NRXN3: variants seen among roughly 807,000 people sequenced by gnomAD.
NRXN3 encodes the protein neurexin III.
In NRXN3, 32 loss-of-function variants were observed where a neutral mutation model predicts 137.6. The ratio of observed to expected loss-of-function variants is 0.23; its 90% CI spans 0.18 to 0.31. The LOEUF is 0.31. Ranked by LOEUF, NRXN3 falls within the 10% of genes least tolerant of loss-of-function variation. The pLI, the probability that NRXN3 is intolerant of heterozygous loss-of-function variation, is 1.00. For synonymous variants in NRXN3, 798 were observed against 784.5 expected (o/e 1.02, Z -0.29); for missense variants, 1,574 against 2,062.5 (o/e 0.76, Z 4.59).
At chr14:79,312,459 T>C (rs1206378573) in intron 15 of NRXN3, among the ~76,000 whole-genome samples, 1 of 19,314 alleles carries the variant, frequency 5.2e-5, no homozygotes, top group African/African-American at 2.9e-4. Context: ...GTCTGCTTGG[T>C]GCAGAGCTGA....
At chr14:79,706,992 C>T (rs2098782971) in intron 19 of NRXN3, among the ~76,000 whole-genome samples, 1 of 152,100 alleles carries the variant, frequency 6.6e-6, no homozygotes, top group Non-Finnish European at 1.5e-5. Flanking sequence ...ACTTCGGGTA[C>T]CCTACGGGTG....
chr14:78,319,784 A>G (rs1170394330), intron 4 of NRXN3, among the ~76,000 whole-genome samples: 1 of 152,216 alleles, frequency 6.6e-6, no homozygotes, highest in African/African-American at 2.4e-5. Flanking sequence ...TGTTGTGTTC[A>G]GTCTTGTTTG....
At chr14:78,417,939 T>G (rs1013432999) in intron 4 of NRXN3, among the ~76,000 whole-genome samples, 5 of 152,156 alleles carry the variant, frequency 3.3e-5, no homozygotes, top group African/African-American at 9.7e-5. Flanking sequence ...GTATTTTTAG[T>G]AGAGACAGTG....
intron 16 of NRXN3, 87 bp from the exon 17 acceptor site, chr14:79,663,691 G>C: frequency 8.6e-7 from 1 of 1,161,806 alleles, no homozygotes; most frequent in Non-Finnish European, 1.2e-6. Context: ...GGCACCTACA[G>C]GTTTATTGCT....
intron 15 of NRXN3, among the ~76,000 whole-genome samples, chr14:79,214,290 G>A (rs977112848): frequency 3.9e-5 from 6 of 152,180 alleles, no homozygotes; most frequent in African/African-American, 1.4e-4. Context: ...ATTTCTAGTT[G>A]ATAAAGTGCC....
chr14:78,773,850 G>A (rs1314526314), intron 8 of NRXN3, among the ~76,000 whole-genome samples: 2 of 152,114 alleles, frequency 1.3e-5, no homozygotes, highest in African/African-American at 4.8e-5. Flanking sequence ...TCACCAGGTT[G>A]GAGTGCAGTG....
chr14:78,441,266 A>T (rs936243614), intron 4 of NRXN3, among the ~76,000 whole-genome samples: 1 of 151,416 alleles, frequency 6.6e-6, no homozygotes, highest in Non-Finnish European at 1.5e-5. Flanking sequence ...TATATTCTTG[A>T]TCTCATCCTT....
At chr14:79,509,146 A>G (rs1054391413) in intron 16 of NRXN3, among the ~76,000 whole-genome samples, 2 of 152,118 alleles carry the variant, frequency 1.3e-5, no homozygotes, top group Non-Finnish European at 2.9e-5. Context: ...GTGAGCCAAA[A>G]TCGTGCCACT....
rs183513914 is a variant in NRXN3, at chr14:78,968,800, G to C, written c.3142+454G>C. 3.1e-3 allele frequency among the ~76,000 whole-genome samples: 476 copies of C among 152,294 alleles called. 2 individuals are homozygous for C. The highest frequency in any genetic ancestry group is 5.1e-3 in the Non-Finnish European group (348 of 68,028). ...GACTGCATTATTTAATGCAAATCTAGCAGGCAATAGGAAAACGATGTCCAA... is the reference window on the plus strand; with the variant it reads ...GACTGCATTATTTAATGCAAATCTACCAGGCAATAGGAAAACGATGTCCAA... On this transcript the variant is annotated intron_variant, in intron 14 of 20. Transcript: ENST00000335750.
intron 7 of NRXN3, among the ~76,000 whole-genome samples, chr14:78,713,965 C>T (rs967370075): frequency 2.0e-5 from 3 of 152,172 alleles, no homozygotes; most frequent in African/African-American, 2.4e-5. Flanking sequence ...TTTTTTGTCC[C>T]TCTGTTCTGG....
At chr14:79,291,422 T>A (rs1453837105) in intron 15 of NRXN3, among the ~76,000 whole-genome samples, 2 of 151,662 alleles carry the variant, frequency 1.3e-5, no homozygotes, top group Non-Finnish European at 2.9e-5. Context: ...GGTCTTGCGG[T>A]ATTGTCCAGA....
At chr14:78,393,735 A>G (rs1324743323) in intron 4 of NRXN3, among the ~76,000 whole-genome samples, 2 of 152,012 alleles carry the variant, frequency 1.3e-5, no homozygotes, top group Non-Finnish European at 2.9e-5. Context: ...TGGGGTTTCA[A>G]TCCATGAACA....
At chr14:78,782,630 T>C (rs2098774053) in intron 8 of NRXN3, among the ~76,000 whole-genome samples, 1 of 152,218 alleles carries the variant, frequency 6.6e-6, no homozygotes, top group South Asian at 2.1e-4. Context: ...GTGCGTTGTC[T>C]CTCTCATTTG....
chr14:79,028,177 G>C (rs1425142771), intron 15 of NRXN3, among the ~76,000 whole-genome samples: 3 of 152,076 alleles, frequency 2.0e-5, no homozygotes, highest in Non-Finnish European at 4.4e-5. Context: ...CCAGAACATT[G>C]ATACCCAACT....
At chr14:79,853,021 T>C (rs1481320587) in intron 20 of NRXN3, among the ~76,000 whole-genome samples, 1 of 152,180 alleles carries the variant, frequency 6.6e-6, no homozygotes, top group Admixed American at 6.5e-5. Flanking sequence ...AGCTGCAGAA[T>C]CCTCACATCC....
At chr14:78,354,702 T>C (rs1236097156) in intron 4 of NRXN3, among the ~76,000 whole-genome samples, 2 of 152,234 alleles carry the variant, frequency 1.3e-5, no homozygotes, top group Non-Finnish European at 2.9e-5. Flanking sequence ...TTACCATGCC[T>C]GAAAGATGTG....
rs1432129856 is a variant in NRXN3 at position 79,806,255 on chromosome 14, A to G, written c.4093+1065A>G. ...AATTCTCTTTTGCTAATTCTAGAAAATTTAAGCTTCATGAAAAAATAATCT... is the reference window on the plus strand; with the variant it reads ...AATTCTCTTTTGCTAATTCTAGAAAGTTTAAGCTTCATGAAAAAATAATCT... On this transcript the variant is annotated intron_variant, in intron 20 of 20. Coordinates refer to ENST00000335750, the MANE Select transcript of NRXN3 (RefSeq NM_001330195.2). Among the ~76,000 whole-genome samples, 7 of 152,166 alleles carry G rather than the reference A, an allele frequency of 4.6e-5. No homozygotes were observed. In the East Asian group the frequency reaches 1.3e-3, roughly 29 times the overall value.
chr14:78,926,062 G>A (rs1218237018), intron 10 of NRXN3, among the ~76,000 whole-genome samples: 1 of 152,054 alleles, frequency 6.6e-6, no homozygotes, highest in African/African-American at 2.4e-5. Flanking sequence ...CAGAATAAGT[G>A]GAAAAGTTGA....
intron 1 of NRXN3, among the ~76,000 whole-genome samples, chr14:78,198,237 C>T (rs1039977798): frequency 7.9e-5 from 12 of 152,224 alleles, no homozygotes; most frequent in African/African-American, 1.2e-4. Context: ...CGCATCATTC[C>T]GGATGAGTGA....
Sources: allele counts gnomAD v4.1 joint callset (sites outside exome capture counted in the v4.1 genomes callset), GRCh38; gene constraint gnomAD v4.1.1; transcripts MANE v1.5; gene names NCBI Gene and HGNC (gene_info 2026-07-23, HGNC 2026-07-21).